CTNNA2: variants seen among roughly 807,000 people sequenced by gnomAD.
CTNNA2 encodes the protein catenin alpha-2.
In CTNNA2, 42 loss-of-function variants were observed where a neutral mutation model predicts 101.0. That is an observed-to-expected ratio of 0.42 (90% CI 0.32 to 0.54). The LOEUF is 0.54. Ranked by LOEUF, CTNNA2 falls within the 20% of genes least tolerant of loss-of-function variation. The pLI is 0.14. For missense variants in CTNNA2, 871 were observed against 1,223.1 expected (o/e 0.71, Z 4.29); for synonymous variants, 450 against 456.4 (o/e 0.99, Z 0.18).
chr2:79,740,942 A>G (rs556232181), intron 2 of CTNNA2, among the ~76,000 whole-genome samples: 1 of 152,286 alleles, frequency 6.6e-6, no homozygotes, highest in East Asian at 1.9e-4. Flanking sequence ...AGGTGTAAAT[A>G]TAGGCATAGC....
chr2:79,940,346 T>C (rs1488173512), intron 7 of CTNNA2, among the ~76,000 whole-genome samples: 6 of 152,228 alleles, frequency 3.9e-5, no homozygotes, highest in Non-Finnish European at 8.8e-5. Context: ...GGTTTTGTTT[T>C]GTTGTGTTTT....
At chr2:80,387,733 A>G (rs1332622938) in intron 7 of CTNNA2, among the ~76,000 whole-genome samples, 3 of 152,200 alleles carry the variant, frequency 2.0e-5, no homozygotes, top group African/African-American at 4.8e-5. Flanking sequence ...AGGATCTCCT[A>G]TTAAAAATCC....
At chr2:79,827,002 T>C (rs528273259) in intron 3 of CTNNA2, among the ~76,000 whole-genome samples, 1 of 152,306 alleles carries the variant, frequency 6.6e-6, no homozygotes, top group African/African-American at 2.4e-5. Flanking sequence ...ATTATATTTT[T>C]CAAGCAATTA....
At chr2:79,547,843 T>C (rs1303599449) in intron 1 of CTNNA2, 1 of 152,652 alleles carries the variant, frequency 6.6e-6, no homozygotes, top group Admixed American at 6.5e-5. Context: ...TTCTCTAATA[T>C]AGAAAAAAAG....
chr2:79,913,667 A>G (rs746091877), intron 7 of CTNNA2, among the ~76,000 whole-genome samples: 35 of 152,214 alleles, frequency 2.3e-4, no homozygotes, highest in Non-Finnish European at 7.3e-5. Context: ...AGTGGCATAA[A>G]GTATTCAAAT....
At chr2:80,460,239 C>T (rs968400628) in intron 9 of CTNNA2, among the ~76,000 whole-genome samples, 4 of 152,052 alleles carry the variant, frequency 2.6e-5, no homozygotes, top group African/African-American at 9.7e-5. Context: ...TTGCTTGGAA[C>T]TGTAGAAACT....
intron 4 of CTNNA2, among the ~76,000 whole-genome samples, chr2:79,465,260 T>A (rs1304042596): frequency 6.6e-6 from 1 of 152,174 alleles, no homozygotes; most frequent in Non-Finnish European, 1.5e-5. Flanking sequence ...CCATTTCTTG[T>A]TTTTGTCAGG....
chr2:80,554,645 C>T (rs1692867368), intron 11 of CTNNA2, among the ~76,000 whole-genome samples: 1 of 152,074 alleles, frequency 6.6e-6, no homozygotes, highest in African/African-American at 2.4e-5. Flanking sequence ...AAGATTCTGC[C>T]CTCATAACAC....
At chr2:79,731,304 C>T (rs988677472) in intron 2 of CTNNA2, among the ~76,000 whole-genome samples, 2 of 152,050 alleles carry the variant, frequency 1.3e-5, no homozygotes, top group Non-Finnish European at 2.9e-5. Context: ...ATGATTTAGA[C>T]TTGTTTATTG....
At chr2:80,119,758 A>G (rs577151104) in intron 7 of CTNNA2, among the ~76,000 whole-genome samples, 40 of 152,316 alleles carry the variant, frequency 2.6e-4, no homozygotes, top group South Asian at 8.3e-4. Context: ...ACATTTTTAT[A>G]TGCTGTAAGG....
At chr2:79,559,232 C>CTCTG (rs1674623499) in intron 1 of CTNNA2, among the ~76,000 whole-genome samples, 1 of 151,910 alleles carries the variant, frequency 6.6e-6, no homozygotes, top group Non-Finnish European at 1.5e-5. Flanking sequence ...TGGAATTAGA[C>CTCTG]TATCAGAGGG....
At chr2:79,302,816 C>T (rs554409796) in intron 2 of CTNNA2, among the ~76,000 whole-genome samples, 2 of 152,300 alleles carry the variant, frequency 1.3e-5, no homozygotes, top group African/African-American at 2.4e-5. Flanking sequence ...AATTTGCCAA[C>T]ATTTGTTGAA....
chr2:80,310,012 C>G (rs1389076377), intron 7 of CTNNA2, among the ~76,000 whole-genome samples: 1 of 152,008 alleles, frequency 6.6e-6, no homozygotes, highest in Non-Finnish European at 1.5e-5. Context: ...TCAGGCCTCT[C>G]CCCAGACCCA....
chr2:79,661,146 C>A (rs1682008680), intron 2 of CTNNA2, among the ~76,000 whole-genome samples: 1 of 152,124 alleles, frequency 6.6e-6, no homozygotes, highest in South Asian at 2.1e-4. Flanking sequence ...TACTGCAAAT[C>A]ACAGCTATTT....
At chr2:80,300,275 T>G (rs1171922316) in intron 7 of CTNNA2, among the ~76,000 whole-genome samples, 1 of 118,564 alleles carries the variant, frequency 8.4e-6, no homozygotes, top group Admixed American at 9.0e-5. Flanking sequence ...TGAGCTGGGG[T>G]GTTGGGGTGT....
intron 2 of CTNNA2, among the ~76,000 whole-genome samples, chr2:79,292,000 T>TG (rs1444414511): frequency 2.3e-4 from 35 of 152,004 alleles, no homozygotes; most frequent in African/African-American, 7.7e-4. Context: ...CCAGGGCTTT[T>TG]GGGGGGTAGA....
intron 18 of CTNNA2, among the ~76,000 whole-genome samples, chr2:80,645,436 CG>C (rs1673971837): frequency 6.6e-6 from 1 of 152,068 alleles, no homozygotes; most frequent in African/African-American, 2.4e-5. Flanking sequence ...TTGTGTATGA[CG>C]GAAGTCCTGA....
At chr2:80,437,551 T>A (rs970111373) in intron 9 of CTNNA2, among the ~76,000 whole-genome samples, 1 of 152,234 alleles carries the variant, frequency 6.6e-6, no homozygotes, top group East Asian at 1.9e-4. Flanking sequence ...AAATGCATAA[T>A]TACTATTGAG....
chr2:79,461,672 C>T (rs1394200294), intron 4 of CTNNA2, among the ~76,000 whole-genome samples: 3 of 151,994 alleles, frequency 2.0e-5, no homozygotes, highest in Non-Finnish European at 2.9e-5. Flanking sequence ...AGAAGGAGAG[C>T]AAAGATACCA....
Sources: allele counts gnomAD v4.1 joint callset (sites outside exome capture counted in the v4.1 genomes callset), GRCh38; gene constraint gnomAD v4.1.1; transcripts MANE v1.5; gene names NCBI Gene and HGNC (gene_info 2026-07-23, HGNC 2026-07-21).